The following ERCC6 variants were observed in gnomAD, a reference collection of about 807,000 sequenced individuals.
ERCC6 encodes the protein ERCC excision repair 6, chromatin remodeling factor.
In ERCC6, 116 loss-of-function variants were observed where a neutral mutation model predicts 158.7. The ratio of observed to expected loss-of-function variants is 0.73; its 90% CI spans 0.63 to 0.85. The LOEUF (loss-of-function observed/expected upper bound fraction) is 0.85, where lower values mean the gene tolerates loss of function less well. Among genes scored for constraint, ERCC6 ranks in the 40% least tolerant of loss-of-function variants. ERCC6 has a pLI of 0.00. For synonymous variants in ERCC6, 678 were observed against 659.3 expected (o/e 1.03, Z -0.43); for missense variants, 1,698 against 1,799.4 (o/e 0.94, Z 1.02).
chr10:49,500,681 A>T lies in ERCC6; in HGVS notation c.1542T>A (p.Gly514=). 6.2e-7 allele frequency: 1 copy of T among 1,613,782 alleles called. No homozygotes were observed. Among genetic ancestry groups the T allele is most frequent in the Non-Finnish European group, 8.5e-7 (1 of 1,179,844 alleles). ...AGTGCAATTCCCACAGCCACCTAACACCTGTCTGCTGGTACCTATGACAAC... is the reference window on the plus strand; with the variant it reads ...AGTGCAATTCCCACAGCCACCTAACTCCTGTCTGCTGGTACCTATGACAAC... ...FKKLFKYQQT[G]VRWLWELHCQ... Residue 514 remains glycine, a synonymous_variant, in exon 7 of 21, where the codon GGT becomes GGA. Transcript: ENST00000355832.
rs568556702 is a variant in ERCC6, at chr10:49,475,906, C to A, written c.2382+309G>T. Among the ~76,000 whole-genome samples the A allele has an allele frequency of 3.9e-5, 6 of 152,290 alleles. No homozygotes were observed. The South Asian group carries it at 1.2e-3, about 32-fold the overall frequency. On this transcript the variant is annotated intron_variant, in intron 12 of 20. Coordinates refer to ENST00000355832, the MANE Select transcript of ERCC6 (RefSeq NM_000124.4). ...GGAAAATGCAGCTATGTACCTGACA[C>A]CCGCCCACCTACCAGGTAAGACCCT...
At chr10:49,447,327 G>A in the ERCC6 span, among the ~76,000 whole-genome samples, 17 of 152,218 alleles carry the variant, frequency 1.1e-4, no homozygotes, top group East Asian at 1.7e-3. Context: ...AATGTTGTGC[G>A]ATCACCACTT....
In ERCC6 at chr10:49,474,212, T is replaced by G; in HGVS notation, c.2413A>C (p.Ile805Leu). 1 of 1,614,076 alleles carries G rather than the reference T, an allele frequency of 6.2e-7. No individual in the cohort carries two copies. ...GAAAAGAGATCAGGGTGGTTGCAAA[T>G]TTTTCTTAGGGCTATAAGTCCGGAG... is the stretch of plus-strand genomic sequence containing the variant. Reference protein sequence around the residue: ...IFSGLIALRKICNHPDLFSGG... With the variant: ...IFSGLIALRKLCNHPDLFSGG... The change falls in exon 13 of 21, where the codon ATT (isoleucine) becomes CTT (leucine). Residue 805 changes from isoleucine to leucine, a missense_variant. Coordinates refer to ENST00000355832, the MANE Select transcript of ERCC6 (RefSeq NM_000124.4).
At chr10:49,537,502 T>TACATACACAC (rs1837628051) in intron 1 of ERCC6, among the ~76,000 whole-genome samples, 2 of 128,806 alleles carry the variant, frequency 1.6e-5, no homozygotes, top group African/African-American at 5.5e-5. Context: ...TATATATATA[T>TACATACACAC]ACACATACAC....
intron 11 of ERCC6, 69 bp from the exon 12 acceptor site, chr10:49,476,379 AC>A: frequency 9.3e-7 from 1 of 1,070,748 alleles, no homozygotes; most frequent in South Asian, 1.4e-5. Context: ...TAAAATATCA[AC>A]AAAACTTCCT....
chr10:49,524,312 TCA>T lies in ERCC6; in HGVS notation c.1116_1117del (p.Glu373ValfsTer13). On this transcript the variant is annotated frameshift_variant, in exon 5 of 21. Coordinates refer to ENST00000355832, the MANE Select transcript of ERCC6 (RefSeq NM_000124.4). LOFTEE classifies it high-confidence loss of function. ...TTCCTCCTCCTCTGTGGGGAAATAC[TCA>T]GACTCTTCACCCTCAGAGTCTCCCT... is the stretch of plus-strand genomic sequence containing the variant. The T allele has an allele frequency of 1.2e-6, 2 of 1,614,090 alleles. No homozygotes were observed. Among genetic ancestry groups the T allele is most frequent in the Non-Finnish European group, 1.7e-6 (2 of 1,179,988 alleles).
rs1850820164 is a variant in ERCC6, at chr10:49,473,523, G to A, written c.2663C>T (p.Thr888Ile). The A allele has an allele frequency of 6.2e-7, 1 of 1,612,996 alleles. No homozygotes were observed. Among genetic ancestry groups the A allele is most frequent in the South Asian group, 1.1e-5 (1 of 91,064 alleles). The change falls in exon 14 of 21, where the codon ACC becomes ATC. Residue 888 changes from threonine to isoleucine, a missense_variant. Physicochemically the swap from Thr to Ile is moderately conservative, Grantham distance 89. Transcript: ENST00000355832. ...QKYTYLKMDG[T>I]TTIASRQPLI... Reference sequence around the variant, plus strand: ...TGGCTGTCTTGAAGCTATTGTAGTGGTACCATCCATCTTGAGATAGGTATA... The same window carrying A: ...TGGCTGTCTTGAAGCTATTGTAGTGATACCATCCATCTTGAGATAGGTATA...
At chr10:49,533,296 A>C (rs2132640638) in intron 1 of ERCC6, among the ~76,000 whole-genome samples, 1 of 152,350 alleles carries the variant, frequency 6.6e-6, no homozygotes, top group Middle Eastern at 3.4e-3. Context: ...AGCTGAAGTC[A>C]TTTGGCTGCT....
At chr10:49,500,111 C>T (rs1851332328) in intron 7 of ERCC6, among the ~76,000 whole-genome samples, 1 of 152,206 alleles carries the variant, frequency 6.6e-6, no homozygotes, top group African/African-American at 2.4e-5. Flanking sequence ...CTGTAATGCT[C>T]ACCTGGTCTC....
chr10:49,475,482 T>C (rs1432848481), intron 12 of ERCC6: 3 of 428,698 alleles, frequency 7.0e-6, no homozygotes, highest in African/African-American at 2.0e-5. Context: ...TAGATGTGAA[T>C]GACTGAAGAA....
chr10:49,527,749 C>T (rs1319013988), intron 4 of ERCC6, among the ~76,000 whole-genome samples: 1 of 152,198 alleles, frequency 6.6e-6, no homozygotes, highest in East Asian at 1.9e-4. Flanking sequence ...GAATAAACTT[C>T]TAAAGCTAGT....
At chr10:49,449,807 C>A (rs188785680), downstream of ERCC6, among the ~76,000 whole-genome samples, 386 of 152,172 alleles carry the variant, frequency 2.5e-3, 4 homozygotes, top group Admixed American at 0.023. Context: ...ACCTCAGCCT[C>A]CCAAAGTGTT....
At chr10:49,464,419 T>C (rs1850636715) in intron 18 of ERCC6, among the ~76,000 whole-genome samples, 1 of 152,224 alleles carries the variant, frequency 6.6e-6, no homozygotes, top group East Asian at 1.9e-4. Flanking sequence ...TTGGACAATT[T>C]GCAGCCTTAC....
At chr10:49,539,116 CGTGGCGCATGCGCCT>C (rs1237347026) in exon 1 of ERCC6, 1 of 152,364 alleles carries the variant, frequency 6.6e-6, no homozygotes, top group Non-Finnish European at 1.5e-5. Context: ...CGGGGAGGCC[CGTGGCGCATGCGCCT>C]GGCTCAGCGT....
Position 49,456,410 on chromosome 10 carries a change from G to A in ERCC6, c.*2405C>T, listed in dbSNP as rs1010775279. The stretch of plus-strand genomic sequence containing the variant: ...CACAATTAACTATAAGAGAGGCTGA[G>A]AAGTAGTCTTAAGCTGAGCAGCCAG... On this transcript the variant is annotated 3_prime_UTR_variant, in exon 21 of 21. Transcript: ENST00000355832. 2.0e-5 allele frequency: 3 copies of A among 152,222 alleles called. No homozygotes were observed. Among genetic ancestry groups the A allele is most frequent in the Non-Finnish European group, 2.9e-5 (2 of 68,040 alleles). The allele number at this position is 152,222 out of a possible 1,614,324, so 9.4% of individuals were successfully genotyped here. A position where few individuals can be genotyped will look rare whatever the true frequency, so the allele number is the denominator to read the frequency against.
chr10:49,532,973 G>A lies in ERCC6; in HGVS notation c.-9C>T. On this transcript the variant is annotated 5_prime_UTR_variant, in exon 2 of 21. Coordinates refer to ENST00000355832, the MANE Select transcript of ERCC6 (RefSeq NM_000124.4). ...ATTCCCTCATTTGGCATTCTCTACA[G>A]ACTACCTAAAAGGAAAAAAATTTAT... 6.2e-7 allele frequency: 1 copy of A among 1,614,122 alleles called. No individual in the cohort carries two copies. The highest frequency in any genetic ancestry group is 1.3e-5 in the African/African-American group (1 of 75,040).
rs114852424 is a variant in ERCC6 at position 49,482,775 on chromosome 10, G to A, written c.2081C>T (p.Pro694Leu). The change falls in exon 10 of 21, where the codon CCG becomes CTG. Residue 694 changes from proline (P) to leucine (L), a missense_variant. Transcript: ENST00000355832. ...ELWSLFDFIF[P>L]GKLGTLPVFM... ...CACAGGCAACGTGCCTAACTTTCCC[G>A]GGAAGATGAAGTCAAAGAGCGACCA... 2.0e-4 allele frequency: 324 copies of A among 1,613,470 alleles called. No individual in the cohort carries two copies. Among genetic ancestry groups the A allele is most frequent in the Non-Finnish European group, 2.5e-4 (291 of 1,179,958 alleles).
the ERCC6 span, among the ~76,000 whole-genome samples, chr10:49,447,114 T>G: frequency 1.3e-5 from 2 of 151,834 alleles, no homozygotes; most frequent in South Asian, 2.1e-4. Flanking sequence ...TTTGAAAAAT[T>G]TATGTGGAAA....
At position 49,457,038 on chromosome 10, in the gene ERCC6, A is replaced by G. The variant is rs1850494983; in HGVS notation, c.*1777T>C. 6.6e-6 allele frequency: 1 copy of G among 152,238 alleles called. No homozygotes were observed. Among genetic ancestry groups the G allele is most frequent in the African/African-American group, 2.4e-5 (1 of 41,464 alleles). The allele number at this position is 152,238 out of a possible 1,614,324, so 9.4% of individuals were successfully genotyped here. A position where few individuals can be genotyped will look rare whatever the true frequency, so the allele number is the denominator to read the frequency against. The stretch of plus-strand genomic sequence containing the variant: ...TACAGTTTATGTTTCAGACACTATA[A>G]GTATGATACCCAAATGCTTCATGAG... On this transcript the variant is annotated 3_prime_UTR_variant, in exon 21 of 21. Transcript: ENST00000355832.
Sources: allele counts gnomAD v4.1 joint callset (sites outside exome capture counted in the v4.1 genomes callset), GRCh38; gene constraint gnomAD v4.1.1; transcripts MANE v1.5; gene names NCBI Gene and HGNC (gene_info 2026-07-23, HGNC 2026-07-21).